Variants in SAMD12 observed in about 807,000 individuals in gnomAD.
SAMD12 encodes the protein sterile alpha motif domain-containing protein 12.
Under a neutral mutation model 15.0 loss-of-function variants are expected in SAMD12, and 9 were observed. The ratio of observed to expected loss-of-function variants is 0.60; its 90% confidence interval spans 0.36 to 1.05. The LOEUF is 1.05. SAMD12 is among the 50% of genes least tolerant of loss of function. The probability of loss-of-function intolerance (pLI) is 0.01; values close to 1 mark genes in which losing one functional copy is unlikely to be tolerated. For synonymous variants in SAMD12, 86 were observed against 90.1 expected (o/e 0.96, Z 0.25); for missense variants, 230 against 234.2 (o/e 0.98, Z 0.12).
intron 3 of SAMD12, among the ~76,000 whole-genome samples, chr8:118,426,007 G>A (rs937782583): frequency 2.6e-5 from 4 of 152,018 alleles, no homozygotes; most frequent in African/African-American, 9.7e-5. Context: ...TTATTCATGT[G>A]AAAAAAAGGA....
rs374247412 is a variant in SAMD12, at chr8:118,232,680, T to C, written c.434-34948A>G. ...GGGCCAGCGTGTGCATGTGCACGTG[T>C]GTGTGTGTATGTGTGTGGTGTGCTG... On this transcript the variant is annotated intron_variant, in intron 4 of 4. Coordinates refer to the SAMD12 transcript ENST00000409003. Among the ~76,000 whole-genome samples, 79 of 152,128 alleles carry C rather than the reference T, an allele frequency of 5.2e-4. No homozygotes were observed. In the East Asian group the frequency reaches 7.7e-3, roughly 15 times the overall value.
chr8:118,560,552 T>C (rs144213709), intron 2 of SAMD12, among the ~76,000 whole-genome samples: 3 of 152,312 alleles, frequency 2.0e-5, no homozygotes, highest in African/African-American at 7.2e-5. Context: ...CTTCCCTCTT[T>C]AGACATGAAA....
At chr8:118,476,276 T>C (rs1371775187) in intron 2 of SAMD12, among the ~76,000 whole-genome samples, 2 of 152,192 alleles carry the variant, frequency 1.3e-5, no homozygotes, top group African/African-American at 4.8e-5. Context: ...CTAGGTAAAC[T>C]GAGCCAGTTC....
intron 2 of SAMD12, among the ~76,000 whole-genome samples, chr8:118,548,922 T>C (rs1826226976): frequency 6.6e-6 from 1 of 152,204 alleles, no homozygotes; most frequent in Non-Finnish European, 1.5e-5. Context: ...GTCTCCCTGA[T>C]TGCTAGCACA....
chr8:118,355,684 G>A (rs1319796640), intron 4 of SAMD12, among the ~76,000 whole-genome samples: 1 of 152,108 alleles, frequency 6.6e-6, no homozygotes, highest in African/African-American at 2.4e-5. Context: ...TACACAGAAA[G>A]AAATTTTCTA....
chr8:118,256,907 C>T (rs1392140800), intron 4 of SAMD12, among the ~76,000 whole-genome samples: 1 of 151,752 alleles, frequency 6.6e-6, no homozygotes, highest in Non-Finnish European at 1.5e-5. Flanking sequence ...AGAATTCAGT[C>T]CAGAATTTAG....
chr8:118,175,891 A>G, the SAMD12 span, among the ~76,000 whole-genome samples: 1 of 152,210 alleles, frequency 6.6e-6, no homozygotes, highest in African/African-American at 2.4e-5. Context: ...TGTTGATGGG[A>G]ATGTAAATTA....
chr8:118,385,042 G>A (rs961552134), intron 3 of SAMD12, among the ~76,000 whole-genome samples: 3 of 152,142 alleles, frequency 2.0e-5, no homozygotes, highest in African/African-American at 7.2e-5. Flanking sequence ...GAAAATTAGA[G>A]TTTTGCCGCA....
intron 2 of SAMD12, among the ~76,000 whole-genome samples, chr8:118,576,708 G>C (rs1409459280): frequency 1.3e-5 from 2 of 152,282 alleles, no homozygotes; most frequent in East Asian, 3.9e-4. Context: ...TTTGGAAACT[G>C]CTATGTGGAA....
chr8:118,331,853 TG>T (rs1181056652), intron 4 of SAMD12, among the ~76,000 whole-genome samples: 1 of 152,194 alleles, frequency 6.6e-6, no homozygotes, highest in Non-Finnish European at 1.5e-5. Flanking sequence ...GAGGAAAGTA[TG>T]GTAATTTCTT....
chr8:118,609,702 G>C (rs1277976108), intron 1 of SAMD12, among the ~76,000 whole-genome samples: 1 of 152,052 alleles, frequency 6.6e-6, no homozygotes, highest in Non-Finnish European at 1.5e-5. Context: ...CATTACTTCA[G>C]CTTCCCCCTT....
In SAMD12 at chr8:118,522,822, C is replaced by T. The variant is rs181835212; in HGVS notation, c.192+57893G>A. On this transcript the variant is annotated intron_variant, in intron 2 of 3. Transcript: ENST00000314727. ...CAAGACATCTTGTTGCTCCTTGGGG[C>T]ATAAACAAATAGCCATAAGAAGGTT... Among the ~76,000 whole-genome samples, 5 of 152,050 alleles carry T rather than the reference C, an allele frequency of 3.3e-5. No homozygotes were observed. In the East Asian group the frequency reaches 9.7e-4, roughly 29 times the overall value.
At chr8:118,499,924 G>A (rs529695739) in intron 2 of SAMD12, among the ~76,000 whole-genome samples, 81 of 152,060 alleles carry the variant, frequency 5.3e-4, no homozygotes, top group Non-Finnish European at 7.4e-4. Context: ...CCTCTATGCC[G>A]GCACAACAAA....
chr8:118,330,640 G>A (rs1485256868), intron 4 of SAMD12, among the ~76,000 whole-genome samples: 1 of 152,188 alleles, frequency 6.6e-6, no homozygotes, highest in African/African-American at 2.4e-5. Flanking sequence ...GACAGGTAAT[G>A]AGGCAACAGA....
At chr8:118,145,760 A>G in the SAMD12 span, among the ~76,000 whole-genome samples, 6 of 152,234 alleles carry the variant, frequency 3.9e-5, no homozygotes, top group Admixed American at 2.0e-4. Context: ...TCAGACTACA[A>G]TGCAGATCTG....
At chr8:118,458,234 A>G (rs987687776) in intron 2 of SAMD12, among the ~76,000 whole-genome samples, 1 of 152,152 alleles carries the variant, frequency 6.6e-6, no homozygotes, top group Admixed American at 6.5e-5. Flanking sequence ...TTTCTTTTTA[A>G]TAAGCTTCCC....
At chr8:118,554,981 C>T (rs993305364) in intron 2 of SAMD12, among the ~76,000 whole-genome samples, 4 of 152,042 alleles carry the variant, frequency 2.6e-5, no homozygotes, top group African/African-American at 4.8e-5. Flanking sequence ...CTGGAGAACC[C>T]TGAGTAATAT....
chr8:118,138,483 G>A, the SAMD12 span, among the ~76,000 whole-genome samples: 6 of 152,218 alleles, frequency 3.9e-5, no homozygotes, highest in Non-Finnish European at 7.3e-5. Context: ...CTCCCACCAT[G>A]TGAGGACACT....
intron 3 of SAMD12, among the ~76,000 whole-genome samples, chr8:118,423,457 G>A (rs183209643): frequency 6.2e-4 from 95 of 152,230 alleles, no homozygotes; most frequent in Middle Eastern, 3.4e-3. Context: ...GATTTTAGAA[G>A]TTTAACGTTT....
Sources: allele counts gnomAD v4.1 joint callset (sites outside exome capture counted in the v4.1 genomes callset), GRCh38; gene constraint gnomAD v4.1.1; transcripts MANE v1.5; gene names NCBI Gene and HGNC (gene_info 2026-07-23, HGNC 2026-07-21).